ANKRD10: variants seen among roughly 807,000 people sequenced by gnomAD.
The protein encoded by ANKRD10 is ankyrin repeat domain-containing protein 10.
ANKRD10 carries 14 observed loss-of-function variants against 27.0 expected under a neutral mutation model. That is an observed-to-expected ratio of 0.52 (90% CI 0.34 to 0.81). The LOEUF is 0.81. Among genes scored for constraint, ANKRD10 ranks in the 40% least tolerant of loss-of-function variants. The pLI, the probability that ANKRD10 is intolerant of heterozygous loss-of-function variation, is 0.01. For missense variants in ANKRD10, 493 were observed against 544.0 expected (o/e 0.91, Z 0.93); for synonymous variants, 250 against 224.5 (o/e 1.11, Z -1.01).
intron 1 of ANKRD10, 44 bp downstream of exon 1, chr13:110,914,681 C>A (rs772994827): frequency 3.9e-6 from 6 of 1,528,640 alleles, no homozygotes; most frequent in African/African-American, 1.4e-5. Context: ...CCGACTCCCA[C>A]TGGACAGCCG....
At chr13:110,886,070 G>C (rs1353508449) in intron 4 of ANKRD10, among the ~76,000 whole-genome samples, 1 of 152,244 alleles carries the variant, frequency 6.6e-6, no homozygotes, top group Admixed American at 6.5e-5. Flanking sequence ...GGCATAGCCT[G>C]TAATACAACC....
rs1427538311 is a variant in ANKRD10, at chr13:110,878,752, T to C, written c.*885A>G. 6 of 152,660 alleles carry C rather than the reference T, an allele frequency of 3.9e-5. No individual in the cohort carries two copies. Among genetic ancestry groups the C allele is most frequent in the African/African-American group, 2.4e-5 (1 of 41,460 alleles). The allele number at this position is 152,660 out of a possible 1,614,324, so 9.5% of individuals were successfully genotyped here. On this transcript the variant is annotated 3_prime_UTR_variant, in exon 6 of 6. Coordinates refer to ENST00000267339, the MANE Select transcript of ANKRD10 (RefSeq NM_017664.4). Reference sequence around the variant, plus strand: ...AATTTCTACAAAATCAAAAACTTAATGCAGTTTTATTAAGAGAGTCAAAAT... The same window carrying C: ...AATTTCTACAAAATCAAAAACTTAACGCAGTTTTATTAAGAGAGTCAAAAT...
intron 1 of ANKRD10, among the ~76,000 whole-genome samples, chr13:110,912,014 G>A (rs1327535249): frequency 1.3e-5 from 2 of 152,226 alleles, no homozygotes; most frequent in African/African-American, 4.8e-5. Flanking sequence ...CCTAGTGGGT[G>A]ACTAACATGG....
rs1244158799 is a variant in ANKRD10 at position 110,914,927 on chromosome 13, G to A, written c.8C>T (p.Ala3Val). Residue 3 changes from alanine (A) to valine (V), a missense_variant, in exon 1 of 6, where the codon GCG (alanine) becomes GTG (valine). Coordinates refer to ENST00000267339, the MANE Select transcript of ANKRD10 (RefSeq NM_017664.4). ...CTCTACGCCCGCGCCCGCTCCCGCC[G>A]CCGACATGGTCCGTCACCGGAGAGC... MS[A>V]AGAGAGVEAG... is the part of the protein sequence containing the mutation. 14 of 1,533,210 alleles carry A rather than the reference G, an allele frequency of 9.1e-6. No homozygotes were observed. Among genetic ancestry groups the A allele is most frequent in the East Asian group, 2.5e-5 (1 of 40,796 alleles). 95.0% of individuals were successfully genotyped at this position (1,533,210 alleles called of 1,614,324 possible). A position where few individuals can be genotyped will look rare whatever the true frequency, so the allele number is the denominator to read the frequency against.
At chr13:110,906,299 G>A (rs930850819) in intron 2 of ANKRD10, among the ~76,000 whole-genome samples, 175 bp from the exon 3 acceptor site, 4 of 152,120 alleles carry the variant, frequency 2.6e-5, no homozygotes, top group African/African-American at 9.7e-5. Flanking sequence ...GGATGAGAAC[G>A]AACCAGGAGG....
chr13:110,898,065 G>A (rs975368076), intron 3 of ANKRD10, among the ~76,000 whole-genome samples: 1 of 152,068 alleles, frequency 6.6e-6, no homozygotes, highest in Non-Finnish European at 1.5e-5. Context: ...TAAACAACAA[G>A]AAAAATATCT....
chr13:110,906,481 ACAC>A (rs2065540470), intron 2 of ANKRD10, among the ~76,000 whole-genome samples: 1 of 152,166 alleles, frequency 6.6e-6, no homozygotes, highest in African/African-American at 2.4e-5. Flanking sequence ...AACCACACAC[ACAC>A]ATTAAAACGG....
At chr13:110,889,905 T>G (rs1386375452) in intron 4 of ANKRD10, among the ~76,000 whole-genome samples, 1 of 152,204 alleles carries the variant, frequency 6.6e-6, no homozygotes, top group Non-Finnish European at 1.5e-5. Context: ...GCAGCCAAGA[T>G]ATTATCCCTG....
Position 110,878,962 on chromosome 13 carries a change from G to A in ANKRD10, c.*675C>T, listed in dbSNP as rs1202633296. 2.0e-5 allele frequency: 3 copies of A among 152,346 alleles called. No homozygotes were observed. In the East Asian group the frequency reaches 5.8e-4, roughly 29 times the overall value. 9.4% of individuals were successfully genotyped at this position (152,346 alleles called of 1,614,324 possible). ...TGTTACATGTGGTAAAACTTCCAGA[G>A]ACCAAGTAGGAAGTGTGGAATAAAA... On this transcript the variant is annotated 3_prime_UTR_variant, in exon 6 of 6. Transcript: ENST00000267339.
chr13:110,889,762 A>T (rs1031551117), intron 4 of ANKRD10, among the ~76,000 whole-genome samples: 1 of 152,210 alleles, frequency 6.6e-6, no homozygotes, highest in Non-Finnish European at 1.5e-5. Context: ...TTAAGAGGTG[A>T]CTTAGCCAGA....
At position 110,879,401 on chromosome 13, in the gene ANKRD10, C is replaced by T; in HGVS notation, c.*236G>A. 1 of 498,502 alleles carries T rather than the reference C, an allele frequency of 2.0e-6. No individual in the cohort carries two copies. The highest frequency in any genetic ancestry group is 3.4e-5 in the South Asian group (1 of 29,744). The allele number at this position is 498,502 out of a possible 1,614,324, so 30.9% of individuals were successfully genotyped here. A position where few individuals can be genotyped will look rare whatever the true frequency, so the allele number is the denominator to read the frequency against. ...GTTGAGATTGGCATCAGAAAAACTC[C>T]AAAAGTGCACCTTATAAAAAGGACA... On this transcript the variant is annotated 3_prime_UTR_variant, in exon 6 of 6. Transcript: ENST00000267339.
At chr13:110,883,823 T>G in intron 4 of ANKRD10, 30 bp from the exon 5 acceptor site, 1 of 1,611,246 alleles carries the variant, frequency 6.2e-7, no homozygotes, top group Non-Finnish European at 8.5e-7. Context: ...TATTTCAGAT[T>G]CCTTTGTCTG....
At chr13:110,888,544 GAACTA>G (rs1174511062) in intron 4 of ANKRD10, among the ~76,000 whole-genome samples, 1 of 152,012 alleles carries the variant, frequency 6.6e-6, no homozygotes, top group Non-Finnish European at 1.5e-5. Context: ...AAACTAGAAG[GAACTA>G]AATTACAAAT....
At chr13:110,885,554 AG>A (rs1216476006) in intron 4 of ANKRD10, among the ~76,000 whole-genome samples, 1 of 152,032 alleles carries the variant, frequency 6.6e-6, no homozygotes, top group Non-Finnish European at 1.5e-5. Context: ...CTAAAAAAAA[AG>A]AAAAAAAGAA....
intron 1 of ANKRD10, among the ~76,000 whole-genome samples, chr13:110,911,048 A>G (rs1283259449): frequency 6.6e-6 from 1 of 152,256 alleles, no homozygotes; most frequent in Non-Finnish European, 1.5e-5. Flanking sequence ...ACAATTGAAT[A>G]AGCCAAAATC....
intron 1 of ANKRD10, 140 bp from the exon 2 acceptor site, chr13:110,910,910 T>A (rs540758326): frequency 1.7e-5 from 15 of 857,580 alleles, no homozygotes; most frequent in Non-Finnish European, 2.2e-5. Flanking sequence ...TCTTTCCCAA[T>A]GCCATGCAAA....
In ANKRD10 at chr13:110,914,996, A is replaced by G. The variant is rs1431046575; in HGVS notation, c.-62T>C. On this transcript the variant is annotated 5_prime_UTR_variant, in exon 1 of 6. Transcript: ENST00000267339. ...GAGGACGCGTCGGGGAGGACTCGAG[A>G]AGCCGCCGCCGCAGCACAAAGGAAC... 1.3e-6 allele frequency: 2 copies of G among 1,490,416 alleles called. No homozygotes were observed. The highest frequency in any genetic ancestry group is 2.8e-5 in the African/African-American group (2 of 71,358). The allele number at this position is 1,490,416 out of a possible 1,614,324, so 92.3% of individuals were successfully genotyped here. A position where few individuals can be genotyped will look rare whatever the true frequency, so the allele number is the denominator to read the frequency against.
chr13:110,903,756 G>A (rs191032378), intron 3 of ANKRD10, among the ~76,000 whole-genome samples: 6 of 152,130 alleles, frequency 3.9e-5, no homozygotes, highest in Non-Finnish European at 7.4e-5. Flanking sequence ...ACAGGAAAAG[G>A]AAAAATTTAT....
At chr13:110,891,799 C>T (rs2138836745) in intron 4 of ANKRD10, among the ~76,000 whole-genome samples, 2 of 151,714 alleles carry the variant, frequency 1.3e-5, no homozygotes, top group Admixed American at 1.3e-4. Context: ...TTCATTACTT[C>T]ACACTCCCAC....
Sources: gnomAD v4.1 joint callset for allele counts (sites outside exome capture counted in the v4.1 genomes callset) on GRCh38, gnomAD v4.1.1 for gene constraint, MANE v1.5 for transcripts, NCBI Gene and HGNC (gene_info 2026-07-23, HGNC 2026-07-21) for gene names.